Variants in ERC2 observed in about 807,000 individuals in gnomAD.
ERC2 encodes ELKS/RAB6-interacting/CAST family member 2.
In ERC2, 42 loss-of-function variants were observed where a neutral mutation model predicts 114.8. The ratio of observed to expected loss-of-function variants is 0.37; its 90% CI spans 0.29 to 0.47. The LOEUF is 0.47. Ranked by LOEUF, ERC2 falls within the 20% of genes least tolerant of loss-of-function variation. The pLI is 0.99. For synonymous variants in ERC2, 454 were observed against 425.5 expected, an observed-to-expected ratio of 1.07 and a Z score of -0.82; for missense variants, 939 against 1,150.7, an observed-to-expected ratio of 0.82 and a Z score of 2.66.
intron 14 of ERC2, among the ~76,000 whole-genome samples, chr3:55,828,612 A>G (rs1208739238): frequency 1.3e-5 from 2 of 152,176 alleles, no homozygotes; most frequent in African/African-American, 2.4e-5. Flanking sequence ...GCTGAAGATG[A>G]AAATTTCATA....
At chr3:56,272,896 G>C (rs1473703300) in intron 3 of ERC2, among the ~76,000 whole-genome samples, 1 of 152,208 alleles carries the variant, frequency 6.6e-6, no homozygotes, top group Non-Finnish European at 1.5e-5. Flanking sequence ...AACAGCCCTT[G>C]CATCCAATAA....
intron 14 of ERC2, among the ~76,000 whole-genome samples, chr3:55,741,955 G>T (rs1047627905): frequency 1.3e-5 from 2 of 152,096 alleles, no homozygotes; most frequent in African/African-American, 4.8e-5. Flanking sequence ...TCTGTGCCCT[G>T]TCATACATTT....
At chr3:55,991,705 A>G (rs1015397769) in intron 11 of ERC2, among the ~76,000 whole-genome samples, 5 of 152,280 alleles carry the variant, frequency 3.3e-5, no homozygotes, top group Middle Eastern at 6.8e-3. Flanking sequence ...ATCAAGACAA[A>G]ACTAAACCAC....
At chr3:56,397,212 A>T (rs2060342734) in intron 2 of ERC2, among the ~76,000 whole-genome samples, 1 of 152,142 alleles carries the variant, frequency 6.6e-6, no homozygotes, top group Non-Finnish European at 1.5e-5. Context: ...GGCCGGGCAC[A>T]GTGGCATGCA....
intron 15 of ERC2, among the ~76,000 whole-genome samples, chr3:55,709,579 G>A (rs1448758400): frequency 6.6e-6 from 1 of 152,184 alleles, no homozygotes; most frequent in African/African-American, 2.4e-5. Context: ...GAGAACTGTG[G>A]GAGGACGGAA....
At chr3:56,337,220 T>C (rs1235872437) in intron 2 of ERC2, among the ~76,000 whole-genome samples, 2 of 152,174 alleles carry the variant, frequency 1.3e-5, no homozygotes, top group East Asian at 3.8e-4. Context: ...GGATCTTCTT[T>C]AAAGGAATGA....
intron 2 of ERC2, among the ~76,000 whole-genome samples, chr3:56,316,412 A>G (rs2056864156): frequency 6.6e-6 from 1 of 152,200 alleles, no homozygotes; most frequent in Non-Finnish European, 1.5e-5. Context: ...AGTGGACAGA[A>G]AATGCTGTTA....
intron 6 of ERC2, among the ~76,000 whole-genome samples, chr3:56,132,777 T>C (rs756075672): frequency 6.6e-6 from 1 of 152,220 alleles, no homozygotes; most frequent in Non-Finnish European, 1.5e-5. Context: ...TGTTTTTACA[T>C]AGTGTGCATG....
chr3:55,756,192 C>T (rs761653354), intron 14 of ERC2, among the ~76,000 whole-genome samples: 2 of 152,224 alleles, frequency 1.3e-5, no homozygotes, highest in Admixed American at 6.5e-5. Flanking sequence ...AACACAGTCA[C>T]GAAGCTAAAA....
chr3:55,759,987 CT>C (rs1461581589), intron 14 of ERC2, among the ~76,000 whole-genome samples: 1 of 152,094 alleles, frequency 6.6e-6, no homozygotes. Flanking sequence ...TGGGCTTAAC[CT>C]TTTTTACTTA....
intron 6 of ERC2, among the ~76,000 whole-genome samples, chr3:56,109,637 G>C (rs1443204610): frequency 6.6e-6 from 1 of 152,100 alleles, no homozygotes; most frequent in African/African-American, 2.4e-5. Flanking sequence ...CCATCTCTTG[G>C]GTAGAATGAA....
intron 2 of ERC2, among the ~76,000 whole-genome samples, chr3:56,343,192 T>TCTCTCACACACA (rs1376220124): frequency 1.2e-4 from 15 of 126,130 alleles, no homozygotes; most frequent in African/African-American, 3.0e-4. Flanking sequence ...TCTCTCTCTC[T>TCTCTCACACACA]CACACACACA....
rs2063109922 is a variant in ERC2, at chr3:55,699,439, T to G, written c.2786A>C (p.His929Pro). Reference sequence around the variant, plus strand: ...CCTCCCAGGAGATCGATGGTGGTGGTGATGGTGGTGGTGGTGGTAATGGTG... The same window carrying G: ...CCTCCCAGGAGATCGATGGTGGTGGGGATGGTGGTGGTGGTGGTAATGGTG... The part of the protein sequence containing the change: ...DHHHYHHHHH[H>P]HHHRSPGRSQ... Residue 929 changes from histidine (H) to proline (P), a missense_variant, in exon 16 of 18, where the codon CAC becomes CCC. Physicochemically the swap from His to Pro is moderately conservative, Grantham distance 77 (BLOSUM62 -2). Around this residue, in one of 5 missense-constraint regions of ERC2, gnomAD observed 328 missense variants for 353.9 expected, o/e 0.93. Coordinates refer to ENST00000288221, the MANE Select transcript of ERC2 (RefSeq NM_015576.3). The G allele has an allele frequency of 6.2e-7, 1 of 1,613,618 alleles. No individual in the cohort carries two copies. Among genetic ancestry groups the G allele is most frequent in the African/African-American group, 1.3e-5 (1 of 74,874 alleles).
intron 6 of ERC2, among the ~76,000 whole-genome samples, chr3:56,124,864 A>G (rs576577433): frequency 1.3e-5 from 2 of 152,346 alleles, no homozygotes; most frequent in Non-Finnish European, 2.9e-5. Flanking sequence ...TATAAATTCT[A>G]TAACTGAACA....
At chr3:56,236,232 T>C (rs936542557) in intron 3 of ERC2, among the ~76,000 whole-genome samples, 3 of 152,270 alleles carry the variant, frequency 2.0e-5, no homozygotes, top group Admixed American at 2.0e-4. Context: ...AGCTGAGCAA[T>C]AGAGGGCTGC....
chr3:55,813,061 A>G (rs950420098), intron 14 of ERC2, among the ~76,000 whole-genome samples: 3 of 152,320 alleles, frequency 2.0e-5, no homozygotes, highest in Non-Finnish European at 2.9e-5. Context: ...CATTATCCCT[A>G]TTTTGCCTAT....
At chr3:55,588,531 G>C (rs2057710726) in intron 17 of ERC2, among the ~76,000 whole-genome samples, 1 of 152,178 alleles carries the variant, frequency 6.6e-6, no homozygotes, top group African/African-American at 2.4e-5. Flanking sequence ...CCCTCGGCCT[G>C]ATGAATCAAT....
intron 16 of ERC2, among the ~76,000 whole-genome samples, chr3:55,692,464 A>T (rs562693998): frequency 6.6e-6 from 1 of 152,322 alleles, no homozygotes; most frequent in East Asian, 1.9e-4. Context: ...TGAGGACATA[A>T]TTGCAGGGAT....
intron 1 of ERC2, among the ~76,000 whole-genome samples, chr3:56,457,784 C>G (rs2063130415): frequency 6.6e-6 from 1 of 152,156 alleles, no homozygotes; most frequent in African/African-American, 2.4e-5. Flanking sequence ...GCTATTCCCC[C>G]TGTTATTTGT....
Sources: allele counts gnomAD v4.1 joint callset (sites outside exome capture counted in the v4.1 genomes callset), GRCh38; gene constraint gnomAD v4.1.1; regional missense constraint gnomAD v4.1.1; transcripts MANE v1.5; gene names NCBI Gene and HGNC (gene_info 2026-07-23, HGNC 2026-07-21).